METTL2B: variants seen among roughly 807,000 people sequenced by gnomAD.
The protein encoded by METTL2B is methyltransferase 2B, tRNA N3-cytidine.
Under a neutral mutation model 51.0 loss-of-function variants are expected in METTL2B, and 28 were observed. The observed-to-expected ratio is 0.55, with a 90% confidence interval of 0.41 to 0.75. The LOEUF is 0.75. Among genes scored for constraint, METTL2B ranks in the 30% least tolerant of loss-of-function variants. The probability of loss-of-function intolerance (pLI) is 0.00; values close to 1 mark genes in which losing one functional copy is unlikely to be tolerated. For missense variants in METTL2B, 313 were observed against 460.7 expected, an observed-to-expected ratio of 0.68 and a Z score of 2.93; for synonymous variants, 128 against 166.3, an observed-to-expected ratio of 0.77 and a Z score of 1.77.
chr7:128,495,955 C>T (rs1425274733), intron 6 of METTL2B, among the ~76,000 whole-genome samples: 3 of 152,076 alleles, frequency 2.0e-5, no homozygotes, highest in Admixed American at 6.6e-5. Context: ...TCATCAGAGT[C>T]CTGCAAAGAT....
intron 4 of METTL2B, among the ~76,000 whole-genome samples, 154 bp downstream of exon 4, chr7:128,480,850 GA>G (rs1034435695): frequency 1.3e-5 from 2 of 151,696 alleles, no homozygotes; most frequent in African/African-American, 2.4e-5. Flanking sequence ...AATGTAGCAA[GA>G]AAAAAAAGTA....
chr7:128,502,076 T>A lies in METTL2B; in HGVS notation c.*160T>A. On this transcript the variant is annotated 3_prime_UTR_variant, in exon 9 of 9. Transcript: ENST00000262432. Reference sequence around the variant, plus strand: ...GCCCAGGAGTCCAGCCTGGGCAAAATAGCGAGAGACCCTGAATCTGAAAGT... The same window carrying A: ...GCCCAGGAGTCCAGCCTGGGCAAAAAAGCGAGAGACCCTGAATCTGAAAGT... 1 of 904,622 alleles carries A rather than the reference T, an allele frequency of 1.1e-6. No homozygotes were observed. Among genetic ancestry groups the A allele is most frequent in the Non-Finnish European group, 1.6e-6 (1 of 610,244 alleles). The allele number at this position is 904,622 out of a possible 1,614,324, so 56.0% of individuals were successfully genotyped here.
At chr7:128,498,466 C>T (rs1183382069) in intron 7 of METTL2B, among the ~76,000 whole-genome samples, 4 of 149,634 alleles carry the variant, frequency 2.7e-5, no homozygotes. Context: ...ATGTTCTGCA[C>T]ATGTACCCCA....
At chr7:128,486,695 C>T (rs560850768) in intron 4 of METTL2B, among the ~76,000 whole-genome samples, 1 of 152,104 alleles carries the variant, frequency 6.6e-6, no homozygotes, top group Admixed American at 6.6e-5. Context: ...GAGGCCGAGG[C>T]AGGTGGATCA....
intron 4 of METTL2B, among the ~76,000 whole-genome samples, chr7:128,486,613 A>G (rs1792724145): frequency 6.6e-6 from 1 of 152,130 alleles, no homozygotes; most frequent in Admixed American, 6.6e-5. Flanking sequence ...ACAAAAAAAA[A>G]AAGAAAAACA....
intron 2 of METTL2B, among the ~76,000 whole-genome samples, chr7:128,478,252 CT>C (rs1273795166): frequency 0.055 from 7,805 of 140,876 alleles, 266 homozygotes; most frequent in East Asian, 0.22. Flanking sequence ...ACTGTCCATA[CT>C]TTTTTTTTTT....
intron 4 of METTL2B, chr7:128,484,232 T>TTTGGTTTTG (rs1554428845): frequency 1.2e-5 from 1 of 83,558 alleles, no homozygotes; most frequent in Non-Finnish European, 2.2e-5. Context: ...TTTTTTTTTT[T>TTTGGTTTTG]TTTTTTTTTT....
chr7:128,485,971 G>A (rs1193786728), intron 4 of METTL2B, among the ~76,000 whole-genome samples: 10 of 152,028 alleles, frequency 6.6e-5, no homozygotes. Flanking sequence ...GGATACCAAG[G>A]GACAACTATA....
chr7:128,476,884 C>T lies in METTL2B; in HGVS notation c.110+9C>T, dbSNP rs551224656. On this transcript the variant is annotated intron_variant, in intron 1 of 8. Transcript: ENST00000262432. ...TTCCACCACAATGCCTGGTAATCACCCTGCCCCCTCGCCCGGCCTGTCGCT... is the reference window on the plus strand; with the variant it reads ...TTCCACCACAATGCCTGGTAATCACTCTGCCCCCTCGCCCGGCCTGTCGCT... 6.9e-5 allele frequency: 111 copies of T among 1,613,846 alleles called. No individual in the cohort carries two copies. The East Asian group carries it at 2.5e-3, about 36-fold the overall frequency.
intron 7 of METTL2B, among the ~76,000 whole-genome samples, chr7:128,499,654 G>GGT: frequency 6.7e-6 from 1 of 148,234 alleles, no homozygotes; most frequent in Admixed American, 7.0e-5. Flanking sequence ...GAGTAGCCGA[G>GGT]ACTACAGGCA....
rs773144378 is a variant in METTL2B at position 128,479,170 on chromosome 7, T to A, written c.215T>A (p.Ile72Asn). Residue 72 changes from isoleucine (I) to asparagine (N), a missense_variant, in exon 3 of 9, where the codon ATC (isoleucine) becomes AAC (asparagine). Ile to Asn is a moderately radical substitution (Grantham distance 149). Around this residue, in one of 4 missense-constraint regions of METTL2B, gnomAD observed 67 missense variants for 101.4 expected, o/e 0.66. Coordinates refer to ENST00000262432, the MANE Select transcript of METTL2B (RefSeq NM_018396.3). Reference protein sequence around the residue: ...VCQEKQVDYEINAHKYWNDFY... With the variant: ...VCQEKQVDYENNAHKYWNDFY... ...TAAATATTTACAGTTGATTATGAGA[T>A]CAATGCCCACAAATACTGGAATGAC... The A allele has an allele frequency of 6.2e-6, 10 of 1,612,006 alleles. No individual in the cohort carries two copies. The highest frequency in any genetic ancestry group is 6.8e-6 in the Non-Finnish European group (8 of 1,178,258).
Sources: gnomAD v4.1 joint callset for allele counts (sites outside exome capture counted in the v4.1 genomes callset) on GRCh38, gnomAD v4.1.1 for gene constraint, gnomAD v4.1.1 regional missense constraint, MANE v1.5 for transcripts, NCBI Gene and HGNC (gene_info 2026-07-23, HGNC 2026-07-21) for gene names.